The following IPCEF1 variants were observed in gnomAD, a reference collection of about 807,000 sequenced individuals.
The protein encoded by IPCEF1 is interaction protein for cytohesin exchange factors 1.
Under a neutral mutation model 50.9 loss-of-function variants are expected in IPCEF1, and 31 were observed. The observed-to-expected ratio is 0.61, with a 90% CI of 0.46 to 0.82. The LOEUF (loss-of-function observed/expected upper bound fraction) is 0.82. Ranked by LOEUF, IPCEF1 falls within the 40% of genes least tolerant of loss-of-function variation. The pLI is 0.00. For missense variants in IPCEF1, 458 were observed against 514.0 expected, an observed-to-expected ratio of 0.89 and a Z score of 1.05; for synonymous variants, 181 against 192.0, an observed-to-expected ratio of 0.94 and a Z score of 0.47.
intron 1 of IPCEF1, among the ~76,000 whole-genome samples, chr6:154,346,244 TA>T (rs1224077409): frequency 9.5e-5 from 14 of 147,670 alleles, no homozygotes; most frequent in Middle Eastern, 3.5e-3. Flanking sequence ...ATTTCAAGGT[TA>T]TAGGATCATG....
intron 10 of IPCEF1, among the ~76,000 whole-genome samples, chr6:154,178,037 G>A (rs1287015805): frequency 2.0e-5 from 3 of 151,552 alleles, no homozygotes; most frequent in African/African-American, 7.3e-5. Flanking sequence ...AATATCACAA[G>A]GACAGAAAAT....
chr6:154,188,277 G>A (rs1003546999), intron 10 of IPCEF1, among the ~76,000 whole-genome samples: 2 of 152,084 alleles, frequency 1.3e-5, no homozygotes, highest in African/African-American at 2.4e-5. Flanking sequence ...GAAATATATA[G>A]AACTAAATCT....
intron 9 of IPCEF1, among the ~76,000 whole-genome samples, 162 bp downstream of exon 9, chr6:154,212,608 G>C (rs1562544359): frequency 6.6e-6 from 1 of 152,172 alleles, no homozygotes; most frequent in African/African-American, 2.4e-5. Context: ...CTATGGAGAA[G>C]GCTCAAAATC....
chr6:154,273,754 TTTTTTTTTTTTTTTTTTG>T (rs1781967539), intron 2 of IPCEF1, among the ~76,000 whole-genome samples: 39 of 73,990 alleles, frequency 5.3e-4, no homozygotes, highest in East Asian at 4.7e-3. Context: ...TTTTTTTTTT[TTTTTTTTTTTTTTTTTTG>T]AGGCAGAGTC....
rs545752425 is a variant in IPCEF1, at chr6:154,194,672, T to C, written c.910+4996A>G. ...TCCTAACTCCTAGCTTCAGGAAAAATTGTAGGAAGTAGGATGAAAAACAAA... is the reference window on the plus strand; with the variant it reads ...TCCTAACTCCTAGCTTCAGGAAAAACTGTAGGAAGTAGGATGAAAAACAAA... On this transcript the variant is annotated intron_variant, in intron 10 of 11. Transcript: ENST00000367220. Among the ~76,000 whole-genome samples the C allele has an allele frequency of 1.6e-4, 24 of 152,124 alleles. 1 individual carries two copies. Among genetic ancestry groups the C allele is most frequent in the Non-Finnish European group, 2.4e-4 (16 of 67,972 alleles).
chr6:154,307,214 G>A (rs899116484), intron 1 of IPCEF1, among the ~76,000 whole-genome samples: 11 of 152,258 alleles, frequency 7.2e-5, no homozygotes, highest in African/African-American at 1.9e-4. Flanking sequence ...GGAGGGACCC[G>A]GTGGGACATG....
At chr6:154,247,059 A>G (rs1781111905) in intron 4 of IPCEF1, 1 of 409,324 alleles carries the variant, frequency 2.4e-6, no homozygotes, top group Non-Finnish European at 4.4e-6. Flanking sequence ...TAGTCTAAGA[A>G]TAGTATTCAC....
chr6:154,160,045 G>A lies in IPCEF1; in HGVS notation c.1105-5C>T. 1 of 1,601,904 alleles carries A rather than the reference G, an allele frequency of 6.2e-7. No homozygotes were observed. Among genetic ancestry groups the A allele is most frequent in the South Asian group, 1.1e-5 (1 of 88,962 alleles). Reference sequence around the variant, plus strand: ...GGCCAGATCATGTTCTTTACACTGTGTGAGTAGAAAAAAAGGGGAAGGGGG... The same window carrying A: ...GGCCAGATCATGTTCTTTACACTGTATGAGTAGAAAAAAAGGGGAAGGGGG... On this transcript the variant is annotated splice_region_variant and splice_polypyrimidine_tract_variant and intron_variant, in intron 11 of 11. Coordinates refer to ENST00000367220, the MANE Select transcript of IPCEF1 (RefSeq NM_001130700.2).
intron 10 of IPCEF1, among the ~76,000 whole-genome samples, chr6:154,187,607 G>A (rs1200223175): frequency 6.6e-6 from 1 of 152,186 alleles, no homozygotes; most frequent in Non-Finnish European, 1.5e-5. Flanking sequence ...ATTGTCGAAG[G>A]AGAGAAATTA....
Position 154,155,885 on chromosome 6 carries a change from T to C in IPCEF1, c.*3943A>G, listed in dbSNP as rs1435802803. The C allele has an allele frequency of 6.6e-6, 1 of 152,224 alleles. No homozygotes were observed. Among genetic ancestry groups the C allele is most frequent in the Admixed American group, 6.5e-5 (1 of 15,286 alleles). The allele number at this position is 152,224 out of a possible 1,614,324, so 9.4% of individuals were successfully genotyped here. Reference sequence around the variant, plus strand: ...TTCTTTTCAAAAGACTTAAAAATATTTTTTCTTTGAATCTGTTTCATCTCT... The same window carrying C: ...TTCTTTTCAAAAGACTTAAAAATATCTTTTCTTTGAATCTGTTTCATCTCT... On this transcript the variant is annotated 3_prime_UTR_variant, in exon 12 of 12. Coordinates refer to ENST00000367220, the MANE Select transcript of IPCEF1 (RefSeq NM_001130700.2).
chr6:154,214,077 C>T (rs1778187233), intron 8 of IPCEF1, 141 bp downstream of exon 8: 7 of 660,032 alleles, frequency 1.1e-5, no homozygotes, highest in Non-Finnish European at 1.9e-5. Flanking sequence ...TCTGTCTCCA[C>T]ATATTTTCAG....
At chr6:154,164,061 T>C (rs1053693057) in intron 11 of IPCEF1, among the ~76,000 whole-genome samples, 1 of 152,236 alleles carries the variant, frequency 6.6e-6, no homozygotes, top group African/African-American at 2.4e-5. Context: ...TTTCTTCCTC[T>C]GATATCACCA....
At chr6:154,216,964 A>G (rs1778447662) in intron 7 of IPCEF1, 1 of 162,716 alleles carries the variant, frequency 6.1e-6, no homozygotes, top group African/African-American at 2.4e-5. Flanking sequence ...AAAAAACCCC[A>G]TAAAACCATG....
At chr6:154,307,638 G>A (rs974002596) in intron 1 of IPCEF1, among the ~76,000 whole-genome samples, 3 of 152,174 alleles carry the variant, frequency 2.0e-5, no homozygotes, top group East Asian at 1.9e-4. Context: ...TCCCATACCC[G>A]CCAAGTAGTC....
chr6:154,348,162 T>C (rs1784066908), intron 1 of IPCEF1, among the ~76,000 whole-genome samples: 1 of 152,194 alleles, frequency 6.6e-6, no homozygotes, highest in Admixed American at 6.5e-5. Flanking sequence ...CTTTGGAATG[T>C]TTGTGAGTGT....
intron 11 of IPCEF1, among the ~76,000 whole-genome samples, chr6:154,160,877 C>G: frequency 6.6e-6 from 1 of 152,284 alleles, no homozygotes; most frequent in East Asian, 1.9e-4. Flanking sequence ...GCCTCCTGAG[C>G]GAGACCACTG....
chr6:154,260,058 C>T (rs1219834528), intron 3 of IPCEF1, among the ~76,000 whole-genome samples: 1 of 152,174 alleles, frequency 6.6e-6, no homozygotes, highest in Admixed American at 6.5e-5. Context: ...AGGCAGAAAT[C>T]GTGTCTGGGC....
At chr6:154,258,932 T>C (rs1439128525) in intron 3 of IPCEF1, among the ~76,000 whole-genome samples, 2 of 152,224 alleles carry the variant, frequency 1.3e-5, no homozygotes, top group Admixed American at 6.5e-5. Context: ...CAAAAAGTTT[T>C]ATGGTCTTAT....
At chr6:154,281,184 CAAAAAAA>C (rs35597942) in intron 2 of IPCEF1, among the ~76,000 whole-genome samples, 5,641 of 59,212 alleles carry the variant, frequency 0.095, 352 homozygotes, top group African/African-American at 0.22. Context: ...TACTAAAATA[CAAAAAAA>C]AAAAAAAAAA....
Sources: allele counts gnomAD v4.1 joint callset (sites outside exome capture counted in the v4.1 genomes callset), GRCh38; gene constraint gnomAD v4.1.1; transcripts MANE v1.5; gene names NCBI Gene and HGNC (gene_info 2026-07-23, HGNC 2026-07-21).